The following ANO2 variants were observed in gnomAD, a reference collection of about 807,000 sequenced individuals.
ANO2 encodes anoctamin-2.
A neutral mutation model predicts 124.2 loss-of-function variants in ANO2; 101 were observed. The observed-to-expected ratio is 0.81, with a 90% CI of 0.69 to 0.96. The LOEUF is 0.96. Among genes scored for constraint, ANO2 ranks in the 40% least tolerant of loss-of-function variants. The pLI is 0.00. For synonymous variants in ANO2, 486 were observed against 482.5 expected (o/e 1.01, Z -0.09); for missense variants, 1,293 against 1,274.5 (o/e 1.01, Z -0.22).
At chr12:5,788,864 T>C (rs7960172) in intron 10 of ANO2, among the ~76,000 whole-genome samples, 10,724 of 152,212 alleles carry the variant, frequency 0.07, 1,200 homozygotes, top group African/African-American at 0.24. Flanking sequence ...CAGCCTGAAT[T>C]ACATATTTCT....
In ANO2 at chr12:5,890,364, T is replaced by G. The variant is rs145189014; in HGVS notation, c.534+30676A>C. On this transcript the variant is annotated intron_variant, in intron 3 of 24. Transcript: ENST00000682330. ...TTGGGACCCTGTCAGAAGAGGTCCT[T>G]CTACTCACAGCTCAGAGCAGAGGTT... Among the ~76,000 whole-genome samples the G allele has an allele frequency of 2.5e-4, 38 of 152,344 alleles. No homozygotes were observed. In the East Asian group the frequency reaches 5.6e-3, roughly 22 times the overall value.
intron 4 of ANO2, among the ~76,000 whole-genome samples, chr12:5,846,535 G>A (rs1371831645): frequency 6.6e-6 from 1 of 152,192 alleles, no homozygotes; most frequent in Non-Finnish European, 1.5e-5. Flanking sequence ...TCATAGTGCT[G>A]CCATAACAAA....
chr12:5,878,085 T>C (rs1292994966), intron 3 of ANO2, among the ~76,000 whole-genome samples: 1 of 152,240 alleles, frequency 6.6e-6, no homozygotes, highest in East Asian at 1.9e-4. Context: ...TTTCAGCTAT[T>C]GCAGTAAGCC....
chr12:5,753,105 GA>G, intron 10 of ANO2, among the ~76,000 whole-genome samples: 2 of 152,180 alleles, frequency 1.3e-5, no homozygotes, highest in Middle Eastern at 6.8e-3. Context: ...ATGCCTGGAA[GA>G]AAAAAACACA....
In ANO2 at chr12:5,806,083, T is replaced by C. The variant is rs770787019; in HGVS notation, c.959A>G (p.Asp320Gly). ...AAYPLHDGEYDSPEDDMNDRK... is the reference protein window; with the variant it reads ...AAYPLHDGEYGSPEDDMNDRK... ...GTCATTCATATCGTCCTCTGGACTATCGTATTCACCCTGTGGAGAAAAAGT... is the reference window on the plus strand; with the variant it reads ...GTCATTCATATCGTCCTCTGGACTACCGTATTCACCCTGTGGAGAAAAAGT... The change falls in exon 9 of 25, where the codon GAT becomes GGT. Residue 320 changes from aspartate to glycine, a missense_variant. Coordinates refer to ENST00000682330, the MANE Select transcript of ANO2 (RefSeq NM_001364791.2). The C allele has an allele frequency of 8.1e-6, 13 of 1,613,738 alleles. No homozygotes were observed. The African/African-American group carries it at 1.6e-4, about 20-fold the overall frequency.
intron 20 of ANO2, among the ~76,000 whole-genome samples, chr12:5,591,935 G>A (rs984237274): frequency 6.6e-6 from 1 of 152,198 alleles, no homozygotes; most frequent in African/African-American, 2.4e-5. Flanking sequence ...TCAGAGCCAA[G>A]TCTGAAAGAG....
At position 5,573,667 on chromosome 12, in the gene ANO2, A is replaced by AT. The variant is rs1250532837; in HGVS notation, c.2621+2166dup. Among the ~76,000 whole-genome samples the AT allele has an allele frequency of 1.5e-3, 221 of 152,336 alleles. 1 individual carries two copies. The highest frequency in any genetic ancestry group is 5.2e-3 in the African/African-American group (216 of 41,590). On this transcript the variant is annotated intron_variant, in intron 23 of 24. Coordinates refer to ENST00000682330, the MANE Select transcript of ANO2 (RefSeq NM_001364791.2). ...TGGCAGCAAATCTGCCTGCAATGTG[A>AT]TTTTAGTATGAGAGTCAGACTCTTT...
intron 23 of ANO2, among the ~76,000 whole-genome samples, chr12:5,572,954 C>T (rs1255733675): frequency 6.6e-6 from 1 of 152,058 alleles, no homozygotes; most frequent in Admixed American, 6.6e-5. Flanking sequence ...GCCGGAAAAT[C>T]CAGTGACTCT....
At chr12:5,737,659 C>T (rs1459591223) in intron 13 of ANO2, among the ~76,000 whole-genome samples, 1 of 152,096 alleles carries the variant, frequency 6.6e-6, no homozygotes, top group Non-Finnish European at 1.5e-5. Context: ...CTACCCTACC[C>T]ACCTCCCCCA....
At chr12:5,571,168 G>T (rs946021388) in intron 23 of ANO2, among the ~76,000 whole-genome samples, 3 of 152,244 alleles carry the variant, frequency 2.0e-5, no homozygotes, top group Non-Finnish European at 2.9e-5. Context: ...ACAATGCCCA[G>T]GTAGGCTCTT....
intron 6 of ANO2, among the ~76,000 whole-genome samples, chr12:5,828,027 C>T (rs116494733): frequency 1.3e-5 from 2 of 152,206 alleles, no homozygotes; most frequent in Non-Finnish European, 2.9e-5. Flanking sequence ...GTAAGGCCCG[C>T]GCACACATCC....
intron 5 of ANO2, among the ~76,000 whole-genome samples, chr12:5,830,706 A>T (rs1173132414): frequency 5.3e-5 from 8 of 152,252 alleles, no homozygotes; most frequent in African/African-American, 1.7e-4. Flanking sequence ...GGAAAGAAAA[A>T]TAACATAAAT....
intron 10 of ANO2, among the ~76,000 whole-genome samples, chr12:5,784,904 TG>T (rs1212913605): frequency 6.6e-5 from 10 of 152,206 alleles, no homozygotes; most frequent in Non-Finnish European, 1.3e-4. Flanking sequence ...GTTTGCTCAT[TG>T]CTTGAAGTCT....
chr12:5,594,077 T>C (rs1189046908), intron 20 of ANO2, among the ~76,000 whole-genome samples: 1 of 152,158 alleles, frequency 6.6e-6, no homozygotes, highest in Non-Finnish European at 1.5e-5. Flanking sequence ...ACACATCTCT[T>C]AAGATTGAAA....
At chr12:5,934,880 A>G (rs1284062331) in intron 1 of ANO2, among the ~76,000 whole-genome samples, 1 of 152,126 alleles carries the variant, frequency 6.6e-6, no homozygotes, top group Admixed American at 6.5e-5. Context: ...TCATCTCTCC[A>G]AAGTAGGAAT....
chr12:5,684,671 A>G (rs542257717), intron 14 of ANO2, among the ~76,000 whole-genome samples: 2 of 152,302 alleles, frequency 1.3e-5, no homozygotes, highest in East Asian at 3.9e-4. Flanking sequence ...ACCTCTGAGC[A>G]TATGGGACAC....
At chr12:5,610,725 T>A (rs1349309234) in intron 19 of ANO2, among the ~76,000 whole-genome samples, 1 of 129,600 alleles carries the variant, frequency 7.7e-6, no homozygotes, top group Non-Finnish European at 1.7e-5. Context: ...CATATATACA[T>A]ATATATATAT....
intron 3 of ANO2, among the ~76,000 whole-genome samples, chr12:5,869,526 G>C (rs979107306): frequency 6.6e-6 from 1 of 152,170 alleles, no homozygotes; most frequent in East Asian, 1.9e-4. Flanking sequence ...TCCAACCCCT[G>C]CTGGGTCAAA....
At chr12:5,699,751 C>G (rs1949329618) in intron 14 of ANO2, among the ~76,000 whole-genome samples, 1 of 152,002 alleles carries the variant, frequency 6.6e-6, no homozygotes, top group Admixed American at 6.6e-5. Context: ...GAAGATCTAC[C>G]AAGCAAATGG....
Sources: gnomAD v4.1 joint callset for allele counts (sites outside exome capture counted in the v4.1 genomes callset) on GRCh38, gnomAD v4.1.1 for gene constraint, MANE v1.5 for transcripts, NCBI Gene and HGNC (gene_info 2026-07-23, HGNC 2026-07-21) for gene names.